The following PDE8A variants were observed in gnomAD, a reference collection of about 807,000 sequenced individuals.
PDE8A encodes the protein high affinity cAMP-specific and IBMX-insensitive 3',5'-cyclic phosphodiesterase 8A.
Under a neutral mutation model 105.0 loss-of-function variants are expected in PDE8A, and 59 were observed. That is an observed-to-expected ratio of 0.56 (90% CI 0.46 to 0.70). PDE8A has a LOEUF of 0.70. PDE8A is among the 30% of genes least tolerant of loss of function. The pLI is 0.00. For synonymous variants in PDE8A, 355 were observed against 371.9 expected, an observed-to-expected ratio of 0.95 and a Z score of 0.52; for missense variants, 1,014 against 1,045.9, an observed-to-expected ratio of 0.97 and a Z score of 0.42.
At chr15:84,989,214 C>T (rs1022326457) in intron 1 of PDE8A, among the ~76,000 whole-genome samples, 11 of 152,190 alleles carry the variant, frequency 7.2e-5, no homozygotes, top group African/African-American at 2.7e-4. Context: ...GCTACAGGCA[C>T]CATGTGTAGT....
At chr15:85,094,297 G>T (rs1221036886) in intron 8 of PDE8A, among the ~76,000 whole-genome samples, 2 of 152,134 alleles carry the variant, frequency 1.3e-5, no homozygotes, top group African/African-American at 4.8e-5. Flanking sequence ...GAAATCTTCA[G>T]CATTTCAAAA....
intron 1 of PDE8A, among the ~76,000 whole-genome samples, chr15:84,995,400 G>C (rs2079960050): frequency 6.6e-6 from 1 of 151,152 alleles, no homozygotes; most frequent in Admixed American, 6.6e-5. Flanking sequence ...CTGCAGCCTT[G>C]ACTTCCCTGG....
chr15:85,039,937 A>G lies in PDE8A; in HGVS notation c.187-24433A>G, dbSNP rs187280964. Among the ~76,000 whole-genome samples the G allele has an allele frequency of 6.6e-5, 10 of 152,268 alleles. No homozygotes were observed. In the East Asian group the frequency reaches 1.9e-3, roughly 29 times the overall value. Reference sequence around the variant, plus strand: ...TGATAATTACCAGAGGCTGGAGGGTAGGGGAGTGGTAGATGGGAAAAGAGG... The same window carrying G: ...TGATAATTACCAGAGGCTGGAGGGTGGGGGAGTGGTAGATGGGAAAAGAGG... On this transcript the variant is annotated intron_variant, in intron 1 of 21. Coordinates refer to ENST00000394553, the MANE Select transcript of PDE8A (RefSeq NM_002605.3).
Position 85,115,478 on chromosome 15 carries a change from T to G in PDE8A, c.1390T>G (p.Ser464Ala). ...RRLSGNEYVL[S>A]TKNTQMVSSN... ...ACTATCAGGGAATGAATATGTTCTT[T>G]CAACAAAAAGTAAGTTTTTCCTTTT... Residue 464 changes from serine (S) to alanine (A), a missense_variant, in exon 15 of 22, where the codon TCA (serine) becomes GCA (alanine). By Grantham distance (99) the Ser-to-Ala change is moderately conservative. Transcript: ENST00000394553. 1 of 1,513,588 alleles carries G rather than the reference T, an allele frequency of 6.6e-7. No individual in the cohort carries two copies. Among genetic ancestry groups the G allele is most frequent in the Non-Finnish European group, 8.9e-7 (1 of 1,122,768 alleles). The allele number at this position is 1,513,588 out of a possible 1,614,324, so 93.8% of individuals were successfully genotyped here.
At chr15:85,051,659 C>A (rs766727249) in intron 1 of PDE8A, among the ~76,000 whole-genome samples, 4 of 152,006 alleles carry the variant, frequency 2.6e-5, no homozygotes, top group African/African-American at 9.7e-5. Context: ...GTGTTGTTCC[C>A]CCCACATGTC....
intron 11 of PDE8A, among the ~76,000 whole-genome samples, chr15:85,106,937 C>T (rs1355998546): frequency 1.3e-5 from 2 of 152,122 alleles, no homozygotes; most frequent in Non-Finnish European, 2.9e-5. Flanking sequence ...TATTGAGCTT[C>T]TATACACATA....
At chr15:85,074,425 A>C (rs2081354163) in intron 3 of PDE8A, among the ~76,000 whole-genome samples, 1 of 152,214 alleles carries the variant, frequency 6.6e-6, no homozygotes. Context: ...CATTTGGCTG[A>C]GTGTGCTGGC....
chr15:85,060,864 A>G (rs747812703), intron 1 of PDE8A, among the ~76,000 whole-genome samples: 4 of 152,156 alleles, frequency 2.6e-5, no homozygotes, highest in South Asian at 2.1e-4. Flanking sequence ...ATAATTATCC[A>G]TGGTTTCACT....
At chr15:85,120,763 A>C in intron 17 of PDE8A, 34 bp from the exon 18 acceptor site, 17 of 1,406,980 alleles carry the variant, frequency 1.2e-5, no homozygotes, top group Non-Finnish European at 1.7e-5. Context: ...CTTCAGTGTC[A>C]TACCCCAGTT....
chr15:85,046,614 G>T (rs1185096761), intron 1 of PDE8A, among the ~76,000 whole-genome samples: 1 of 152,158 alleles, frequency 6.6e-6, no homozygotes, highest in Admixed American at 6.5e-5. Context: ...CTGTATTCCA[G>T]TGGGAGAAAC....
intron 3 of PDE8A, among the ~76,000 whole-genome samples, chr15:85,068,972 A>G (rs1184710322): frequency 6.6e-6 from 1 of 152,194 alleles, no homozygotes; most frequent in Non-Finnish European, 1.5e-5. Flanking sequence ...GGAATATTCT[A>G]AACAAATAGG....
intron 3 of PDE8A, among the ~76,000 whole-genome samples, chr15:85,069,056 TTCTTG>T (rs1371774833): frequency 3.3e-5 from 5 of 152,226 alleles, no homozygotes; most frequent in African/African-American, 9.6e-5. Flanking sequence ...TAAAATGAAG[TTCTTG>T]TCTTCTATGA....
chr15:85,011,307 G>GT (rs1322594968), intron 1 of PDE8A, among the ~76,000 whole-genome samples: 2 of 152,104 alleles, frequency 1.3e-5, no homozygotes, highest in Non-Finnish European at 2.9e-5. Flanking sequence ...TTTTTGTAGG[G>GT]TTTTTTTCTT....
chr15:85,035,181 C>T (rs2080683280), intron 1 of PDE8A, among the ~76,000 whole-genome samples: 1 of 148,492 alleles, frequency 6.7e-6, no homozygotes, highest in Non-Finnish European at 1.5e-5. Flanking sequence ...AGCAGGACCT[C>T]ACCTCTGGGT....
intron 8 of PDE8A, among the ~76,000 whole-genome samples, chr15:85,092,532 A>G (rs944863492): frequency 1.3e-5 from 2 of 152,056 alleles, no homozygotes; most frequent in Admixed American, 6.5e-5. Context: ...CACAGCAGCC[A>G]TGGTGGGGGT....
intron 1 of PDE8A, among the ~76,000 whole-genome samples, chr15:85,031,738 A>G (rs914384257): frequency 2.0e-5 from 3 of 152,210 alleles, no homozygotes; most frequent in Admixed American, 6.5e-5. Flanking sequence ...TCTGTGGTAC[A>G]TAGTAAACAT....
chr15:85,067,066 C>G lies in PDE8A; in HGVS notation c.296C>G (p.Ala99Gly). 1 of 1,613,422 alleles carries G rather than the reference C, an allele frequency of 6.2e-7. No homozygotes were observed. Among genetic ancestry groups the G allele is most frequent in the Non-Finnish European group, 8.5e-7 (1 of 1,179,484 alleles). The change falls in exon 3 of 22, where the codon GCA (alanine) becomes GGA (glycine). Residue 99 changes from alanine (A) to glycine (G), a missense_variant. Transcript: ENST00000394553. ...AACCAATGTAATGGATTCTGCAGGG[C>G]ATGTGAAAAAGCAGGGTTTAAGTGT... ...EDNQCNGFCR[A>G]CEKAGFKCTV...
At chr15:85,097,328 C>T (rs914059446) in intron 8 of PDE8A, among the ~76,000 whole-genome samples, 1 of 152,168 alleles carries the variant, frequency 6.6e-6, no homozygotes, top group Non-Finnish European at 1.5e-5. Context: ...GGCTGCACTT[C>T]CTGTCTGAAA....
chr15:85,011,232 G>C (rs867160558), intron 1 of PDE8A, among the ~76,000 whole-genome samples: 19 of 152,330 alleles, frequency 1.2e-4, no homozygotes, highest in African/African-American at 3.4e-4. Flanking sequence ...GCAATGTTCA[G>C]ATTGGCCCAG....
Sources: gnomAD v4.1 joint callset for allele counts (sites outside exome capture counted in the v4.1 genomes callset) on GRCh38, gnomAD v4.1.1 for gene constraint, MANE v1.5 for transcripts, NCBI Gene and HGNC (gene_info 2026-07-23, HGNC 2026-07-21) for gene names.